Variants in HRAS observed in about 807,000 individuals in gnomAD.
HRAS encodes the protein HRas proto-oncogene, GTPase.
In HRAS, 11 loss-of-function variants were observed where a neutral mutation model predicts 19.8. The ratio of observed to expected loss-of-function variants is 0.55; its 90% CI spans 0.35 to 0.92. HRAS has a LOEUF of 0.92. HRAS is among the 40% of genes least tolerant of loss of function. The probability of loss-of-function intolerance (pLI) is 0.01; values close to 1 mark genes in which losing one functional copy is unlikely to be tolerated. For synonymous variants in HRAS, 149 were observed against 105.5 expected, an observed-to-expected ratio of 1.41 and a Z score of -2.52; for missense variants, 204 against 255.9, an observed-to-expected ratio of 0.80 and a Z score of 1.38.
At chr11:534,441 G>C in intron 1 of HRAS, 66 bp from the exon 2 acceptor site, 1 of 801,406 alleles carries the variant, frequency 1.2e-6, no homozygotes. Flanking sequence ...GCAGCTGCTG[G>C]CAGGGCCATC....
chr11:533,622 G>A lies in HRAS; in HGVS notation c.291-10C>T, dbSNP rs1397119284. The A allele has an allele frequency of 6.2e-6, 10 of 1,613,730 alleles. No individual in the cohort carries two copies. The East Asian group carries it at 2.2e-4, about 36-fold the overall frequency. On this transcript the variant is annotated splice_polypyrimidine_tract_variant and intron_variant, in intron 3 of 5. Transcript: ENST00000311189. ...CCGTTTGATCTGCTCCCTGAGAGGT[G>A]GAAAGCGAGAGCTGGCTACGGGGGC...
Position 533,693 on chromosome 11 carries a change from C to T in HRAS, c.290+73G>A, listed in dbSNP as rs1294016028. 2.5e-6 allele frequency: 4 copies of T among 1,610,666 alleles called. No individual in the cohort carries two copies. In the African/African-American group the frequency reaches 4.0e-5, roughly 16 times the overall value. On this transcript the variant is annotated intron_variant, in intron 3 of 5. Transcript: ENST00000311189. ...GGACATGCGCAGAGAGGACAGGAGG[C>T]CCCTGCCTGGACGCAGCCGGCCTGG...
In HRAS at chr11:535,463, G is replaced by C. The variant is rs8176336; in HGVS notation, c.-101C>G. ...CGGGGCCAGGGCCGGGGCCGAGGCC[G>C]GGGCGGGGCGGGGGCGGGGGCGCGC... On this transcript the variant is annotated 5_prime_UTR_variant, in exon 1 of 6. Coordinates refer to ENST00000311189, the MANE Select transcript of HRAS (RefSeq NM_005343.4). The C allele has an allele frequency of 2.0e-5, 3 of 146,992 alleles. No homozygotes were observed. Among genetic ancestry groups the C allele is most frequent in the Non-Finnish European group, 4.6e-5 (3 of 65,830 alleles). 9.1% of individuals were successfully genotyped at this position (146,992 alleles called of 1,614,324 possible). A position where few individuals can be genotyped will look rare whatever the true frequency, so the allele number is the denominator to read the frequency against.
intron 4 of HRAS, among the ~76,000 whole-genome samples, chr11:533,105 C>G (rs1851206363): frequency 6.6e-6 from 1 of 152,252 alleles, no homozygotes; most frequent in Non-Finnish European, 1.5e-5. Flanking sequence ...CCGTGGGACA[C>G]TCTGGGGACA....
rs41258054 is a variant in HRAS at position 534,197 on chromosome 11, C to T, written c.111+15G>A. On this transcript the variant is annotated intron_variant, in intron 2 of 5. Coordinates refer to ENST00000311189, the MANE Select transcript of HRAS (RefSeq NM_005343.4). ...GCAGCAGCTGCTGGCACCTGGACGG[C>T]GGCGCCAGGCTCACCTCTATAGTGG... 85,683 of 1,589,506 alleles carry T rather than the reference C, an allele frequency of 0.054. 3,457 individuals are homozygous for T. Among genetic ancestry groups the T allele is most frequent in the Admixed American group, 0.17 (10,438 of 59,922 alleles).
At chr11:534,478 G>A in intron 1 of HRAS, 103 bp from the exon 2 acceptor site, 1 of 635,830 alleles carries the variant, frequency 1.6e-6, no homozygotes, top group Non-Finnish European at 2.8e-6. Flanking sequence ...AGCGGTCCCT[G>A]GGCCCCAACG....
chr11:534,357 A>G lies in HRAS; in HGVS notation c.-35T>C. 1 of 1,548,256 alleles carries G rather than the reference A, an allele frequency of 6.5e-7. No individual in the cohort carries two copies. Among genetic ancestry groups the G allele is most frequent in the Non-Finnish European group, 8.9e-7 (1 of 1,129,828 alleles). ...GGGGCCTGCGGCCCGGGGTCCTCCT[A>G]CAGGGTCTCCTGCCCCACCTGCCAA... On this transcript the variant is annotated 5_prime_UTR_variant, in exon 2 of 6. Transcript: ENST00000311189.
intron 5 of HRAS, 54 bp from the exon 6 acceptor site, chr11:532,576 C>G: frequency 6.4e-7 from 1 of 1,573,894 alleles, no homozygotes; most frequent in Non-Finnish European, 8.6e-7. Context: ...CCGGCAGGGG[C>G]GGGGAGCCGG....
chr11:533,196 G>A (rs1851213207), intron 4 of HRAS: 7 of 1,272,282 alleles, frequency 5.5e-6, no homozygotes, highest in Non-Finnish European at 6.5e-6. Flanking sequence ...CCCCGGAGCT[G>A]TGTCGGCCCA....
chr11:534,693 GC>G (rs1022241185), intron 1 of HRAS: 11 of 339,604 alleles, frequency 3.2e-5, no homozygotes, highest in African/African-American at 2.3e-4. Flanking sequence ...AAAGGGAGGC[GC>G]CCGAGGGCTG....
chr11:534,387 G>A lies in HRAS; in HGVS notation c.-53-12C>T. ...GTCTCCTGCCCCACCTGCCAAGGAG[G>A]GCCCTGCTCAGCCAGGCCCAGGCCC... is the stretch of plus-strand genomic sequence containing the variant. On this transcript the variant is annotated splice_polypyrimidine_tract_variant and intron_variant, in intron 1 of 5. Transcript: ENST00000311189. 1 of 1,372,678 alleles carries A rather than the reference G, an allele frequency of 7.3e-7. No individual in the cohort carries two copies. The highest frequency in any genetic ancestry group is 1.0e-6 in the Non-Finnish European group (1 of 980,858). The allele number at this position is 1,372,678 out of a possible 1,614,324, so 85.0% of individuals were successfully genotyped here.
intron 4 of HRAS, 147 bp downstream of exon 4, chr11:533,306 C>T (rs546840579): frequency 2.5e-6 from 4 of 1,600,914 alleles, no homozygotes; most frequent in Admixed American, 1.7e-5. Flanking sequence ...TCACATGGGT[C>T]CCGGGGGGTC....
rs756277885 is a variant in HRAS at position 532,611 on chromosome 11, G to A, written c.*5+20C>T. ...GGGTCATCCGGTGGGCGTGGCGGCC[G>A]CCCTGGGAGTCCCCCTCACCTGCGT... is the stretch of plus-strand genomic sequence containing the variant. On this transcript the variant is annotated intron_variant, in intron 5 of 5. Transcript: ENST00000311189. 78 of 1,604,090 alleles carry A rather than the reference G, an allele frequency of 4.9e-5. 1 individual carries two copies. The Middle Eastern group carries it at 8.5e-4, about 17-fold the overall frequency.
In HRAS at chr11:533,873, C is replaced by T. The variant is rs121913496; in HGVS notation, c.183G>A (p.Gln61=). The T allele has an allele frequency of 1.2e-6, 2 of 1,613,264 alleles. No homozygotes were observed. The highest frequency in any genetic ancestry group is 1.3e-5 in the African/African-American group (1 of 74,922). Residue 61 remains glutamine (Q), a synonymous_variant, in exon 3 of 6, where the codon CAG becomes CAA. Transcript: ENST00000311189. ...CLLDILDTAG[Q]EEYSAMRDQY... ...GGTCCCGCATGGCGCTGTACTCCTC[C>T]TGGCCGGCGGTATCCAGGATGTCCA...
intron 4 of HRAS, chr11:533,234 G>T (rs550980746): frequency 6.7e-7 from 1 of 1,499,144 alleles, no homozygotes; most frequent in African/African-American, 1.4e-5. Flanking sequence ...CCCAGACCCC[G>T]GCCCTCGCCT....
chr11:533,360 T>C (rs773142165), intron 4 of HRAS, 93 bp downstream of exon 4: 1 of 1,606,562 alleles, frequency 6.2e-7, no homozygotes. Flanking sequence ...GCGGCTGCCC[T>C]GTGTCAAGGG....
rs2133982634 is a variant in HRAS, at chr11:532,747, C to T, written c.459G>A (p.Glu153=). The T allele has an allele frequency of 6.2e-7, 1 of 1,612,834 alleles. No homozygotes were observed. The highest frequency in any genetic ancestry group is 8.5e-7 in the Non-Finnish European group (1 of 1,179,984). The part of the protein sequence containing the change: ...ETSAKTRQGV[E]DAFYTLVREI... ...CACGCACCAACGTGTAGAAGGCATCCTCCACTCCCTGGGAAAGGAGGGATG... is the reference window on the plus strand; with the variant it reads ...CACGCACCAACGTGTAGAAGGCATCTTCCACTCCCTGGGAAAGGAGGGATG... The change falls in exon 5 of 6, where the codon GAG becomes GAA. Residue 153 remains glutamate (E), a synonymous_variant. Transcript: ENST00000311189.
chr11:534,790 G>C (rs953760762), intron 1 of HRAS, among the ~76,000 whole-genome samples: 3 of 152,184 alleles, frequency 2.0e-5, no homozygotes, highest in Non-Finnish European at 4.4e-5. Flanking sequence ...TGCAGGCCCC[G>C]CGGCGCTGGT....
Position 532,698 on chromosome 11 carries a change from T to A in HRAS, c.508A>T (p.Lys170Ter), listed in dbSNP as rs372936166. Reference sequence around the variant, plus strand: ...CCACTCTCATCAGGAGGGTTCAGCTTCCGCAGCTTGTGCTGCCGGATCTCA... The same window carrying A: ...CCACTCTCATCAGGAGGGTTCAGCTACCGCAGCTTGTGCTGCCGGATCTCA... ...VREIRQHKLR[K>*]LNPPDESGPG... Residue 170 changes from lysine (K) to a stop codon, truncating the protein, a stop_gained, in exon 5 of 6, where the codon AAG (lysine) becomes TAG (stop). Coordinates refer to ENST00000311189, the MANE Select transcript of HRAS (RefSeq NM_005343.4). LOFTEE classifies it high-confidence loss of function. 9.7e-5 allele frequency: 156 copies of A among 1,613,088 alleles called. No individual in the cohort carries two copies. Among genetic ancestry groups the A allele is most frequent in the Non-Finnish European group, 1.3e-4 (156 of 1,179,994 alleles).
Sources: gnomAD v4.1 joint callset for allele counts (sites outside exome capture counted in the v4.1 genomes callset) on GRCh38, gnomAD v4.1.1 for gene constraint, MANE v1.5 for transcripts, NCBI Gene and HGNC (gene_info 2026-07-23, HGNC 2026-07-21) for gene names.